The following HSF1 variants were observed in gnomAD, a reference collection of about 807,000 sequenced individuals.
HSF1 encodes heat shock factor protein 1.
In HSF1, 32 loss-of-function variants were observed where a neutral mutation model predicts 51.7. The ratio of observed to expected loss-of-function variants is 0.62; its 90% CI spans 0.47 to 0.83. The LOEUF (loss-of-function observed/expected upper bound fraction) is 0.83, where lower values mean the gene tolerates loss of function less well. HSF1 is among the 40% of genes least tolerant of loss of function. The probability of loss-of-function intolerance (pLI) is 0.00; values close to 1 mark genes in which losing one functional copy is unlikely to be tolerated. For synonymous variants in HSF1, 396 were observed against 309.7 expected, an observed-to-expected ratio of 1.28 and a Z score of -2.92; for missense variants, 727 against 717.0, an observed-to-expected ratio of 1.01 and a Z score of -0.16.
rs370900064 is a variant in HSF1 at position 144,309,393 on chromosome 8, C to T, written c.227-62C>T. On this transcript the variant is annotated intron_variant, in intron 2 of 12. Transcript: ENST00000528838. ...CGCAGCAGCCTCCTGGAGCAGTGGC[C>T]GCTCTTCAGGGGTTCTGGTCCCGCC... The T allele has an allele frequency of 6.6e-4, 1,052 of 1,599,158 alleles. 4 individuals are homozygous for T. The highest frequency in any genetic ancestry group is 2.8e-3 in the African/African-American group (207 of 74,804).
intron 4 of HSF1, chr8:144,310,155 T>C (rs1232450925): frequency 1.9e-5 from 9 of 465,820 alleles, no homozygotes; most frequent in African/African-American, 1.6e-4. Context: ...CTCTGGGCCA[T>C]TGGCTTCTGC....
chr8:144,311,075 C>T (rs1299510916), intron 4 of HSF1, 99 bp from the exon 5 acceptor site: 3 of 1,137,742 alleles, frequency 2.6e-6, no homozygotes, highest in Non-Finnish European at 1.3e-6. Flanking sequence ...GTCACACTTA[C>T]CCCTGCTCCT....
At chr8:144,313,650 C>CCGCCTCCCCGCCG (rs1298561880) in intron 10 of HSF1, 34 bp downstream of exon 10, 1 of 249,666 alleles carries the variant, frequency 4.0e-6, no homozygotes, top group African/African-American at 7.2e-5. Context: ...CCTCCCCGCC[C>CCGCCTCCCCGCCG]CGCCTCCCCG....
At chr8:144,308,370 T>C (rs1554843625) in intron 1 of HSF1, among the ~76,000 whole-genome samples, 2 of 152,278 alleles carry the variant, frequency 1.3e-5, no homozygotes, top group Non-Finnish European at 2.9e-5. Context: ...AGTGTTTGAC[T>C]GTCTCTGTTT....
intron 1 of HSF1, among the ~76,000 whole-genome samples, chr8:144,303,569 A>G (rs530338717): frequency 6.6e-6 from 1 of 152,118 alleles, no homozygotes; most frequent in Admixed American, 6.5e-5. Flanking sequence ...GAAAGCCTGA[A>G]CTGTATTTAA....
intron 1 of HSF1, among the ~76,000 whole-genome samples, chr8:144,300,610 A>G (rs1190784639): frequency 6.6e-6 from 1 of 152,226 alleles, no homozygotes; most frequent in African/African-American, 2.4e-5. Context: ...AAAAACATCA[A>G]ACAAATCCAA....
At position 144,314,464 on chromosome 8, in the gene HSF1, G is replaced by C; in HGVS notation, c.*134G>C. 2.8e-6 allele frequency: 2 copies of C among 723,518 alleles called. No homozygotes were observed. Among genetic ancestry groups the C allele is most frequent in the Non-Finnish European group, 4.6e-6 (2 of 434,574 alleles). 44.8% of individuals were successfully genotyped at this position (723,518 alleles called of 1,614,324 possible). A position where few individuals can be genotyped will look rare whatever the true frequency, so the allele number is the denominator to read the frequency against. ...TAGCCCCAGTAGGACAAACGGGCTC[G>C]GGTCTGGGCAGCACCTCTGGTCAGG... On this transcript the variant is annotated 3_prime_UTR_variant, in exon 13 of 13. Coordinates refer to ENST00000528838, the MANE Select transcript of HSF1 (RefSeq NM_005526.4).
At chr8:144,309,344 C>G in intron 2 of HSF1, 111 bp from the exon 3 acceptor site, 1 of 1,468,794 alleles carries the variant, frequency 6.8e-7, no homozygotes, top group Non-Finnish European at 9.4e-7. Context: ...GGGGGCAGGG[C>G]AGGGTCTGAC....
intron 1 of HSF1, among the ~76,000 whole-genome samples, chr8:144,295,554 G>A (rs1380096832): frequency 1.3e-5 from 2 of 152,176 alleles, no homozygotes; most frequent in Non-Finnish European, 2.9e-5. Flanking sequence ...AAAATTTAAG[G>A]AAGCACTTTT....
At chr8:144,305,415 T>G (rs1368407654) in intron 1 of HSF1, among the ~76,000 whole-genome samples, 1 of 152,094 alleles carries the variant, frequency 6.6e-6, no homozygotes, top group Non-Finnish European at 1.5e-5. Context: ...TTCTCTTGCC[T>G]CAGCCTCCCA....
Position 144,291,618 on chromosome 8 carries a change from G to T in HSF1, c.-140G>T. 1 of 365,672 alleles carries T rather than the reference G, an allele frequency of 2.7e-6. No individual in the cohort carries two copies. Among genetic ancestry groups the T allele is most frequent in the Non-Finnish European group, 4.4e-6 (1 of 227,442 alleles). The allele number at this position is 365,672 out of a possible 1,614,324, so 22.7% of individuals were successfully genotyped here. ...GGGAGCGCGCCCGTTGCAAGATGGC[G>T]GCGGCCATGCTGGGCCCCGGGGCTG... On this transcript the variant is annotated 5_prime_UTR_variant, in exon 1 of 13. Transcript: ENST00000528838. This position sits in a 1 kb window ranked among gnomAD's most constrained non-coding sequence, Gnocchi z 4.1.
chr8:144,309,943 A>G (rs782604501), intron 4 of HSF1, 47 bp downstream of exon 4: 5 of 1,589,614 alleles, frequency 3.1e-6, no homozygotes, highest in Non-Finnish European at 4.3e-6. Context: ...CCTGGCGCCC[A>G]CCAAGAGGCC....
At chr8:144,295,935 C>G (rs1443695060) in intron 1 of HSF1, among the ~76,000 whole-genome samples, 1 of 152,102 alleles carries the variant, frequency 6.6e-6, no homozygotes, top group Non-Finnish European at 1.5e-5. Flanking sequence ...GATGTGGGCT[C>G]CTGGATGCTT....
intron 1 of HSF1, among the ~76,000 whole-genome samples, chr8:144,307,756 G>T (rs1816318675): frequency 6.6e-6 from 1 of 151,812 alleles, no homozygotes; most frequent in African/African-American, 2.4e-5. Context: ...TGTTGGTGCT[G>T]GTGCACTCCA....
chr8:144,311,943 C>CTGGCCCCCCTCGTG lies in HSF1; in HGVS notation c.861-17_861-4dup. ...GGGGCTGGCCGAGACGCCAGCTCAC[C>CTGGCCCCCCTCGTG]TGGCCCCCCTCGTGTGCAGGCCCCT... On this transcript the variant is annotated intron_variant, in intron 8 of 12. Coordinates refer to ENST00000528838, the MANE Select transcript of HSF1 (RefSeq NM_005526.4). 1 of 1,581,038 alleles carries CTGGCCCCCCTCGTG rather than the reference C, an allele frequency of 6.3e-7. No homozygotes were observed. Among genetic ancestry groups the CTGGCCCCCCTCGTG allele is most frequent in the Non-Finnish European group, 8.6e-7 (1 of 1,163,842 alleles).
chr8:144,302,340 C>T (rs1815944604), intron 1 of HSF1, among the ~76,000 whole-genome samples: 1 of 150,894 alleles, frequency 6.6e-6, no homozygotes, highest in African/African-American at 2.4e-5. Flanking sequence ...AACCCCGTCT[C>T]TACTGAAAAT....
chr8:144,301,443 C>T (rs959521487), intron 1 of HSF1, among the ~76,000 whole-genome samples: 1 of 151,746 alleles, frequency 6.6e-6, no homozygotes, highest in Non-Finnish European at 1.5e-5. Context: ...AAATTTTTCC[C>T]AAATTTTTGA....
intron 1 of HSF1, among the ~76,000 whole-genome samples, chr8:144,298,967 C>T (rs1331448839): frequency 4.6e-5 from 7 of 152,180 alleles, no homozygotes; most frequent in Admixed American, 2.0e-4. Flanking sequence ...CAGTTCCCAC[C>T]AGCCAGAGTA....
intron 4 of HSF1, chr8:144,310,910 C>T (rs1358610338): frequency 1.1e-5 from 6 of 532,550 alleles, no homozygotes; most frequent in Non-Finnish European, 2.0e-5. Context: ...TGCCAGGATC[C>T]GGGTGCACCT....
Sources: allele counts gnomAD v4.1 joint callset (sites outside exome capture counted in the v4.1 genomes callset), GRCh38; gene constraint gnomAD v4.1.1; non-coding constraint Gnocchi (gnomAD v3.1); transcripts MANE v1.5; gene names NCBI Gene and HGNC (gene_info 2026-07-23, HGNC 2026-07-21).